Variants in KDM4C observed in about 807,000 individuals in gnomAD.
KDM4C encodes lysine-specific demethylase 4C.
In KDM4C, 81 loss-of-function variants were observed where a neutral mutation model predicts 129.3. The ratio of observed to expected loss-of-function variants is 0.63; its 90% CI spans 0.52 to 0.75. The LOEUF is 0.75. Ranked by LOEUF, KDM4C falls within the 30% of genes least tolerant of loss-of-function variation. KDM4C has a pLI of 0.00. For synonymous variants in KDM4C, 573 were observed against 456.1 expected, an observed-to-expected ratio of 1.26 and a Z score of -3.26; for missense variants, 1,457 against 1,304.0, an observed-to-expected ratio of 1.12 and a Z score of -1.81.
Position 6,847,754 on chromosome 9 carries a change from A to G in KDM4C, c.436-1753A>G, listed in dbSNP as rs143367212. 3.7e-3 allele frequency among the ~76,000 whole-genome samples: 564 copies of G among 152,284 alleles called. 1 individual carries two copies. The highest frequency in any genetic ancestry group is 0.013 in the African/African-American group (543 of 41,552). ...AACAAGCTTCTCAGCGTGTGGCCTA[A>G]GTTGTAGATAGAGTGGCTACTTAAG... On this transcript the variant is annotated intron_variant, in intron 4 of 21. Coordinates refer to ENST00000381309, the MANE Select transcript of KDM4C (RefSeq NM_015061.6).
Position 7,021,384 on chromosome 9 carries a change from A to G in KDM4C, c.2259+5455A>G, listed in dbSNP as rs1253157478. On this transcript the variant is annotated intron_variant, in intron 15 of 21. Coordinates refer to ENST00000381309, the MANE Select transcript of KDM4C (RefSeq NM_015061.6). Reference sequence around the variant, plus strand: ...GGTCTCGAACTCCTGACCTCAGGTGATCTGCCTTCGTCGGCCTCCCAAAGT... The same window carrying G: ...GGTCTCGAACTCCTGACCTCAGGTGGTCTGCCTTCGTCGGCCTCCCAAAGT... 3.3e-5 allele frequency among the ~76,000 whole-genome samples: 5 copies of G among 152,112 alleles called. No homozygotes were observed. In the South Asian group the frequency reaches 8.3e-4, roughly 25 times the overall value.
At chr9:7,141,104 T>A (rs1227282384) in intron 19 of KDM4C, among the ~76,000 whole-genome samples, 3 of 152,196 alleles carry the variant, frequency 2.0e-5, no homozygotes, top group African/African-American at 4.8e-5. Flanking sequence ...CCTTGGACTA[T>A]CTTGAGCAGA....
chr9:6,755,008 C>G (rs1216690610), upstream of KDM4C, among the ~76,000 whole-genome samples: 2 of 151,588 alleles, frequency 1.3e-5, no homozygotes, highest in Admixed American at 6.6e-5. Flanking sequence ...GAGGCGGAGG[C>G]CAGCAGATCA....
intron 4 of KDM4C, among the ~76,000 whole-genome samples, chr9:6,820,326 C>G (rs1051864961): frequency 2.0e-5 from 3 of 152,120 alleles, no homozygotes; most frequent in African/African-American, 7.2e-5. Context: ...AGGGTGAGAC[C>G]ACACCTAACA....
intron 8 of KDM4C, among the ~76,000 whole-genome samples, chr9:6,965,449 C>T (rs541891972): frequency 6.6e-6 from 1 of 152,200 alleles, no homozygotes; most frequent in Admixed American, 6.5e-5. Context: ...TGTTAGGGTT[C>T]TCCAGACTAA....
chr9:6,982,791 GT>G (rs1350663401), intron 9 of KDM4C: 1 of 152,206 alleles, frequency 6.6e-6, no homozygotes, highest in East Asian at 1.9e-4. Context: ...GGCCTTTTGG[GT>G]TGATAGAGAA....
intron 17 of KDM4C, among the ~76,000 whole-genome samples, chr9:7,087,998 A>G (rs765806329): frequency 1.5e-4 from 22 of 151,722 alleles, no homozygotes; most frequent in Non-Finnish European, 1.6e-4. Flanking sequence ...GCTTTGAGGT[A>G]CTACTTATCA....
At chr9:6,868,079 G>A (rs1206220047) in intron 5 of KDM4C, among the ~76,000 whole-genome samples, 1 of 152,032 alleles carries the variant, frequency 6.6e-6, no homozygotes, top group East Asian at 1.9e-4. Context: ...GAGCTGATAT[G>A]GATGAAATGT....
At chr9:6,735,918 T>C (rs1817514390) in intron 1 of KDM4C, among the ~76,000 whole-genome samples, 1 of 152,170 alleles carries the variant, frequency 6.6e-6, no homozygotes, top group African/African-American at 2.4e-5. Context: ...ACTTGTTGAA[T>C]GGCTTTGACC....
At chr9:6,993,423 C>G (rs1819108123) in intron 12 of KDM4C, among the ~76,000 whole-genome samples, 1 of 152,062 alleles carries the variant, frequency 6.6e-6, no homozygotes, top group Non-Finnish European at 1.5e-5. Flanking sequence ...AATTAAAATT[C>G]TTTTTATTGC....
intron 15 of KDM4C, among the ~76,000 whole-genome samples, chr9:7,019,736 A>AAAATATAATATTTTTATATAT (rs1824381373): frequency 2.6e-5 from 3 of 117,456 alleles, no homozygotes; most frequent in African/African-American, 7.3e-5. Flanking sequence ...TTTTATATAT[A>AAAATATAATATTTTTATATAT]AAAATATAAT....
intron 17 of KDM4C, among the ~76,000 whole-genome samples, chr9:7,052,742 A>T (rs548239329): frequency 8.5e-5 from 13 of 152,294 alleles, no homozygotes; most frequent in African/African-American, 3.1e-4. Flanking sequence ...TCCCTGAAGC[A>T]GCAGCAAGGG....
intron 17 of KDM4C, among the ~76,000 whole-genome samples, chr9:7,097,239 C>T (rs1019701506): frequency 6.6e-6 from 1 of 152,220 alleles, no homozygotes; most frequent in African/African-American, 2.4e-5. Flanking sequence ...GCTCAGCCAG[C>T]GTGCAGCATG....
intron 1 of KDM4C, among the ~76,000 whole-genome samples, chr9:6,743,179 TAATC>T (rs1057175019): frequency 1.3e-5 from 2 of 152,120 alleles, no homozygotes; most frequent in Non-Finnish European, 2.9e-5. Context: ...AGCTGCTAGG[TAATC>T]AATCAATCCT....
At chr9:7,004,030 GGT>G (rs1821213102) in intron 12 of KDM4C, among the ~76,000 whole-genome samples, 1 of 152,106 alleles carries the variant, frequency 6.6e-6, no homozygotes, top group Admixed American at 6.6e-5. Flanking sequence ...AGTAGAGAAT[GGT>G]GCTGTACCAG....
intron 15 of KDM4C, among the ~76,000 whole-genome samples, chr9:7,037,616 A>T (rs139395753): frequency 6.6e-6 from 1 of 152,304 alleles, no homozygotes; most frequent in Admixed American, 6.5e-5. Context: ...TGGCATTGTT[A>T]AAAGGGGATT....
chr9:6,796,883 C>T (rs546973225), intron 2 of KDM4C, among the ~76,000 whole-genome samples: 3 of 152,044 alleles, frequency 2.0e-5, no homozygotes, highest in Middle Eastern at 3.2e-3. Flanking sequence ...AAAACTGTAC[C>T]GAATCAAATC....
intron 15 of KDM4C, among the ~76,000 whole-genome samples, chr9:7,032,914 T>C (rs771880808): frequency 1.3e-5 from 2 of 152,182 alleles, no homozygotes; most frequent in Non-Finnish European, 2.9e-5. Context: ...GATGAGCAGG[T>C]TCTTTTCCCT....
At chr9:6,844,115 G>A (rs1837443965) in intron 4 of KDM4C, among the ~76,000 whole-genome samples, 1 of 152,064 alleles carries the variant, frequency 6.6e-6, no homozygotes, top group Non-Finnish European at 1.5e-5. Flanking sequence ...GGTATTACAG[G>A]CATAAACCAT....
Sources: allele counts gnomAD v4.1 joint callset (sites outside exome capture counted in the v4.1 genomes callset), GRCh38; gene constraint gnomAD v4.1.1; transcripts MANE v1.5; gene names NCBI Gene and HGNC (gene_info 2026-07-23, HGNC 2026-07-21).